Variants in DCDC1 observed in about 807,000 individuals in gnomAD.
DCDC1 encodes doublecortin domain containing 1, also known as doublecortin domain-containing protein 1.
In DCDC1, 200 loss-of-function variants were observed where a neutral mutation model predicts 178.3. The observed-to-expected ratio is 1.12, with a 90% CI of 1.00 to 1.26. The LOEUF is 1.26. Among genes scored for constraint, DCDC1 ranks in the 50% most tolerant of loss-of-function variants. The pLI, the probability that DCDC1 is intolerant of heterozygous loss-of-function variation, is 0.00. For missense variants in DCDC1, 1,983 were observed against 1,749.2 expected, an observed-to-expected ratio of 1.13 and a Z score of -2.38; for synonymous variants, 690 against 604.8, an observed-to-expected ratio of 1.14 and a Z score of -2.07.
intron 36 of DCDC1, chr11:30,882,434 ATCTATTTT>A (rs1332718097): frequency 3.0e-5 from 4 of 133,062 alleles, no homozygotes; most frequent in African/African-American, 1.0e-4. Flanking sequence ...TTTTAATGTT[ATCTATTTT>A]TATATATTTT....
At chr11:31,298,042 A>G (rs1471006570) in intron 6 of DCDC1, among the ~76,000 whole-genome samples, 3 of 152,184 alleles carry the variant, frequency 2.0e-5, no homozygotes, top group Admixed American at 6.5e-5. Context: ...TAACTTTGGC[A>G]AAATAAGCTT....
chr11:30,926,225 A>T (rs889585503), intron 22 of DCDC1, among the ~76,000 whole-genome samples: 1 of 152,186 alleles, frequency 6.6e-6, no homozygotes, highest in Non-Finnish European at 1.5e-5. Flanking sequence ...TAAAGGATAA[A>T]CAGGATTTCA....
chr11:30,925,265 G>T lies in DCDC1; in HGVS notation c.2997+44C>A, dbSNP rs115321522. 4.3e-3 allele frequency: 6,196 copies of T among 1,451,952 alleles called. 179 individuals are homozygous for T. In the African/African-American group the frequency reaches 0.073, roughly 17 times the overall value. 89.9% of individuals were successfully genotyped at this position (1,451,952 alleles called of 1,614,324 possible). ...TTAAGGGGATTCTTTCTTGGATGGG[G>T]TATTAATAAATTAATATTGCCAGTT... On this transcript the variant is annotated intron_variant, in intron 23 of 38. Transcript: ENST00000684477.
intron 9 of DCDC1, among the ~76,000 whole-genome samples, chr11:31,149,214 C>A (rs1349867795): frequency 6.6e-6 from 1 of 152,172 alleles, no homozygotes; most frequent in African/African-American, 2.4e-5. Flanking sequence ...ACAATGACTT[C>A]TTTTCCTTTG....
In DCDC1 at chr11:31,225,460, C is replaced by A. The variant is rs527496280; in HGVS notation, c.1221+15990G>T. On this transcript the variant is annotated intron_variant, in intron 9 of 38. Coordinates refer to ENST00000684477, the MANE Select transcript of DCDC1 (RefSeq NM_001387274.1). ...ACAGGTGCATCAAAATCTCAGAAAT[C>A]ACCACTCAAGAACTTATCCATGTAA... 1.7e-4 allele frequency among the ~76,000 whole-genome samples: 26 copies of A among 151,784 alleles called. No individual in the cohort carries two copies. In the South Asian group the frequency reaches 5.0e-3, roughly 29 times the overall value.
At chr11:31,003,962 G>A (rs1178528959) in intron 20 of DCDC1, among the ~76,000 whole-genome samples, 2 of 152,116 alleles carry the variant, frequency 1.3e-5, no homozygotes. Context: ...GAATGATGAC[G>A]GCTAGGTTTC....
At chr11:30,896,760 T>C (rs1455602179) in intron 34 of DCDC1, among the ~76,000 whole-genome samples, 1 of 152,246 alleles carries the variant, frequency 6.6e-6, no homozygotes, top group Non-Finnish European at 1.5e-5. Flanking sequence ...GTATTTGTTA[T>C]ATACTAACCA....
In DCDC1 at chr11:31,208,392, A is replaced by G. The variant is rs564243285; in HGVS notation, c.1221+33058T>C. 3.3e-5 allele frequency among the ~76,000 whole-genome samples: 5 copies of G among 152,280 alleles called. No homozygotes were observed. In the East Asian group the frequency reaches 9.7e-4, roughly 29 times the overall value. On this transcript the variant is annotated intron_variant, in intron 9 of 38. Coordinates refer to ENST00000684477, the MANE Select transcript of DCDC1 (RefSeq NM_001387274.1). ...AGATTCTTTCAGGACTATTTCCAAA[A>G]TATATCCTGAGTCTTATAATTCCTC...
chr11:31,196,986 C>A (rs2136397532), intron 9 of DCDC1, among the ~76,000 whole-genome samples: 1 of 152,204 alleles, frequency 6.6e-6, no homozygotes, highest in Admixed American at 6.5e-5. Flanking sequence ...GAACCTGGGA[C>A]AAAGAGCAAA....
At chr11:31,218,779 T>G (rs1353971176) in intron 9 of DCDC1, among the ~76,000 whole-genome samples, 2 of 152,194 alleles carry the variant, frequency 1.3e-5, no homozygotes, top group Non-Finnish European at 2.9e-5. Context: ...CTTTCTACCT[T>G]CATTCTTCCT....
At chr11:31,359,513 A>G (rs1441821370) in intron 1 of DCDC1, among the ~76,000 whole-genome samples, 1 of 152,122 alleles carries the variant, frequency 6.6e-6, no homozygotes, top group Admixed American at 6.5e-5. Context: ...GCAGCGCACC[A>G]GCATGGCACA....
In DCDC1 at chr11:31,226,870, A is replaced by G. The variant is rs536324677; in HGVS notation, c.1221+14580T>C. Among the ~76,000 whole-genome samples the G allele has an allele frequency of 2.6e-5, 4 of 152,212 alleles. No individual in the cohort carries two copies. The East Asian group carries it at 7.7e-4, about 29-fold the overall frequency. On this transcript the variant is annotated intron_variant, in intron 9 of 38. Transcript: ENST00000684477. The stretch of plus-strand genomic sequence containing the variant: ...AAAAGACATTTTTTCTCATTTTTAA[A>G]TCTCTTTTAAAATTTTCTGTTTATA...
chr11:30,980,489 G>T (rs1341490886), intron 20 of DCDC1, among the ~76,000 whole-genome samples: 2 of 152,160 alleles, frequency 1.3e-5, no homozygotes, highest in African/African-American at 4.8e-5. Flanking sequence ...ACAAGAGATA[G>T]CTCTGTCAGG....
chr11:30,925,277 T>G lies in DCDC1; in HGVS notation c.2997+32A>C, dbSNP rs144137615. ...TTTCTTGGATGGGGTATTAATAAAT[T>G]AATATTGCCAGTTTCAAATCCATGT... On this transcript the variant is annotated intron_variant, in intron 23 of 38. Transcript: ENST00000684477. 5.7e-6 allele frequency: 9 copies of G among 1,570,758 alleles called. No homozygotes were observed. The African/African-American group carries it at 1.2e-4, about 21-fold the overall frequency.
In DCDC1 at chr11:31,310,308, ATTTTTT is replaced by A. The variant is rs11407483; in HGVS notation, c.165-2406_165-2401del. Among the ~76,000 whole-genome samples, 15 of 53,878 alleles carry A rather than the reference ATTTTTT, an allele frequency of 2.8e-4. No homozygotes were observed. The Admixed American group carries it at 3.2e-3, about 12-fold the overall frequency. 35.3% of individuals were successfully genotyped at this position (53,878 alleles called of 152,430 possible). A position where few individuals can be genotyped will look rare whatever the true frequency, so the allele number is the denominator to read the frequency against. ...GAGGACAGGTTTTCAGTAATTCTTG[ATTTTTT>A]TTTTTTTTTTTTTTTTTTTTTTGAG... On this transcript the variant is annotated intron_variant, in intron 3 of 38. Coordinates refer to ENST00000684477, the MANE Select transcript of DCDC1 (RefSeq NM_001387274.1).
At chr11:30,927,700 G>A (rs1051936637) in intron 22 of DCDC1, among the ~76,000 whole-genome samples, 2 of 152,036 alleles carry the variant, frequency 1.3e-5, no homozygotes, top group Admixed American at 1.3e-4. Flanking sequence ...ATTCTAAAAT[G>A]GAACTTATTA....
chr11:31,363,134 A>G (rs947126706), intron 1 of DCDC1, among the ~76,000 whole-genome samples: 1 of 152,120 alleles, frequency 6.6e-6, no homozygotes, highest in East Asian at 1.9e-4. Context: ...TAGTAATATT[A>G]AACTGTGTGT....
chr11:31,361,864 G>A (rs560643105), intron 1 of DCDC1, among the ~76,000 whole-genome samples: 1 of 152,132 alleles, frequency 6.6e-6, no homozygotes, highest in Non-Finnish European at 1.5e-5. Flanking sequence ...TCCAACGCAG[G>A]AACTAAGTAA....
intron 21 of DCDC1, among the ~76,000 whole-genome samples, chr11:30,934,154 T>A: frequency 6.6e-6 from 1 of 152,190 alleles, no homozygotes; most frequent in East Asian, 1.9e-4. Context: ...ATCTTAATAG[T>A]TGACCACCAG....
Sources: allele counts gnomAD v4.1 joint callset (sites outside exome capture counted in the v4.1 genomes callset), GRCh38; gene constraint gnomAD v4.1.1; transcripts MANE v1.5; gene names NCBI Gene and HGNC (gene_info 2026-07-23, HGNC 2026-07-21).